The following AGBL4 variants were observed in gnomAD, a reference collection of about 807,000 sequenced individuals.
AGBL4 encodes the protein cytosolic carboxypeptidase 6.
Under a neutral mutation model 66.4 loss-of-function variants are expected in AGBL4, and 58 were observed. The ratio of observed to expected loss-of-function variants is 0.87; its 90% CI spans 0.71 to 1.09. AGBL4 has a LOEUF of 1.09. Ranked by LOEUF, AGBL4 falls within the 50% of genes least tolerant of loss-of-function variation. The pLI is 0.00. For synonymous variants in AGBL4, 234 were observed against 222.9 expected, an observed-to-expected ratio of 1.05 and a Z score of -0.44; for missense variants, 579 against 631.0, an observed-to-expected ratio of 0.92 and a Z score of 0.88.
intron 3 of AGBL4, among the ~76,000 whole-genome samples, chr1:49,333,296 G>A (rs1438763180): frequency 6.6e-6 from 1 of 152,138 alleles, no homozygotes; most frequent in African/African-American, 2.4e-5. Flanking sequence ...TGGCAAACAT[G>A]GTGAAACCCT....
chr1:49,813,236 C>G (rs184057973), intron 2 of AGBL4, among the ~76,000 whole-genome samples: 5 of 152,214 alleles, frequency 3.3e-5, no homozygotes, highest in Non-Finnish European at 7.4e-5. Flanking sequence ...CACTATACCA[C>G]TAGTAGGCAG....
chr1:48,770,418 C>T (rs770148823), intron 6 of AGBL4, among the ~76,000 whole-genome samples: 1 of 152,138 alleles, frequency 6.6e-6, no homozygotes, highest in African/African-American at 2.4e-5. Context: ...ATTCTAAGTC[C>T]ATCTGTTAGA....
At chr1:48,912,186 C>T (rs1653186811) in intron 5 of AGBL4, among the ~76,000 whole-genome samples, 1 of 152,044 alleles carries the variant, frequency 6.6e-6, no homozygotes, top group African/African-American at 2.4e-5. Context: ...GGTAAACACA[C>T]CTGACAGCAA....
chr1:49,777,669 T>C (rs990051716), intron 2 of AGBL4, among the ~76,000 whole-genome samples: 2 of 152,166 alleles, frequency 1.3e-5, no homozygotes, highest in Admixed American at 6.6e-5. Context: ...GAAAATGGTC[T>C]TGCACTAGCT....
intron 5 of AGBL4, among the ~76,000 whole-genome samples, chr1:48,876,257 T>C (rs774192232): frequency 6.6e-6 from 1 of 152,128 alleles, no homozygotes; most frequent in Non-Finnish European, 1.5e-5. Context: ...GAAACCTCGA[T>C]CAAGTTCCTA....
intron 6 of AGBL4, among the ~76,000 whole-genome samples, chr1:48,671,176 A>G (rs77545876): frequency 6.6e-6 from 1 of 152,252 alleles, no homozygotes; most frequent in East Asian, 1.9e-4. Flanking sequence ...TGAAGATCTG[A>G]GCAGTGCATG....
At chr1:49,773,581 C>T (rs1644119097) in intron 2 of AGBL4, among the ~76,000 whole-genome samples, 1 of 152,278 alleles carries the variant, frequency 6.6e-6, no homozygotes, top group South Asian at 2.1e-4. Flanking sequence ...ATCTCAGTGG[C>T]CCAGGCTGCA....
At chr1:49,656,042 G>T (rs1446991762) in intron 3 of AGBL4, among the ~76,000 whole-genome samples, 1 of 152,018 alleles carries the variant, frequency 6.6e-6, no homozygotes, top group Non-Finnish European at 1.5e-5. Flanking sequence ...AGTTACTGGG[G>T]AGGCTGAGGC....
At chr1:50,011,091 T>A (rs766774040) in intron 1 of AGBL4, among the ~76,000 whole-genome samples, 1 of 151,966 alleles carries the variant, frequency 6.6e-6, no homozygotes, top group Non-Finnish European at 1.5e-5. Flanking sequence ...GAATTCAGAA[T>A]CCTATCAGAT....
At chr1:49,024,291 G>C (rs1571255801) in intron 5 of AGBL4, among the ~76,000 whole-genome samples, 1 of 152,046 alleles carries the variant, frequency 6.6e-6, no homozygotes, top group East Asian at 1.9e-4. Context: ...ACATGACAGG[G>C]AGAATCATTT....
intron 5 of AGBL4, among the ~76,000 whole-genome samples, chr1:48,872,930 G>A (rs1232968612): frequency 6.6e-6 from 1 of 152,170 alleles, no homozygotes; most frequent in Non-Finnish European, 1.5e-5. Context: ...GAATGCACTG[G>A]TTGAATACTA....
At chr1:49,989,821 G>A (rs1043593835) in intron 1 of AGBL4, among the ~76,000 whole-genome samples, 4 of 152,096 alleles carry the variant, frequency 2.6e-5, no homozygotes, top group Non-Finnish European at 5.9e-5. Flanking sequence ...TCTCTTTACA[G>A]TATTATTTCC....
At chr1:48,996,643 G>T (rs1372039357) in intron 5 of AGBL4, among the ~76,000 whole-genome samples, 1 of 152,106 alleles carries the variant, frequency 6.6e-6, no homozygotes, top group Non-Finnish European at 1.5e-5. Flanking sequence ...TTGATAAAGG[G>T]TGTTTCAGAA....
chr1:48,950,331 C>T (rs1656867557), intron 5 of AGBL4, among the ~76,000 whole-genome samples: 1 of 152,146 alleles, frequency 6.6e-6, no homozygotes, highest in African/African-American at 2.4e-5. Context: ...AACTCCTGTC[C>T]TCATGATCTG....
intron 2 of AGBL4, among the ~76,000 whole-genome samples, chr1:49,795,274 A>C (rs1164552480): frequency 2.0e-5 from 3 of 152,024 alleles, no homozygotes; most frequent in Non-Finnish European, 4.4e-5. Context: ...GAAGACATTA[A>C]CAAATGGCAA....
intron 4 of AGBL4, among the ~76,000 whole-genome samples, chr1:49,128,125 A>C (rs1159512212): frequency 6.6e-6 from 1 of 152,012 alleles, no homozygotes. Flanking sequence ...AAGATATAAA[A>C]AAGAATCAAA....
intron 3 of AGBL4, among the ~76,000 whole-genome samples, chr1:49,622,577 C>T (rs1016596707): frequency 3.1e-5 from 4 of 128,306 alleles, no homozygotes; most frequent in Non-Finnish European, 1.6e-5. Context: ...TGCAGTGAGC[C>T]AAGATCCCGC....
At chr1:49,377,307 T>C (rs1386452225) in intron 3 of AGBL4, among the ~76,000 whole-genome samples, 4 of 152,092 alleles carry the variant, frequency 2.6e-5, no homozygotes, top group South Asian at 2.1e-4. Flanking sequence ...ATTAGTGGCA[T>C]TGAAATAATT....
At chr1:49,623,855 G>C (rs902673634) in intron 3 of AGBL4, among the ~76,000 whole-genome samples, 1 of 152,174 alleles carries the variant, frequency 6.6e-6, no homozygotes, top group African/African-American at 2.4e-5. Flanking sequence ...AAAGAGCTTT[G>C]CCATGAGATA....
Sources: gnomAD v4.1 joint callset for allele counts (sites outside exome capture counted in the v4.1 genomes callset) on GRCh38, gnomAD v4.1.1 for gene constraint, MANE v1.5 for transcripts, NCBI Gene and HGNC (gene_info 2026-07-23, HGNC 2026-07-21) for gene names.